ST6GALNAC3: variants seen among roughly 807,000 people sequenced by gnomAD.
ST6GALNAC3 encodes the protein ST6 N-acetylgalactosaminide alpha-2,6-sialyltransferase 3, also known as alpha-N-acetylgalactosaminide alpha-2,6-sialyltransferase 3.
Under a neutral mutation model 32.7 loss-of-function variants are expected in ST6GALNAC3, and 25 were observed. That is an observed-to-expected ratio of 0.76 (90% confidence interval 0.56 to 1.07). ST6GALNAC3 has a LOEUF of 1.07. Among genes scored for constraint, ST6GALNAC3 ranks in the 50% least tolerant of loss-of-function variants. ST6GALNAC3 has a pLI of 0.00. For synonymous variants in ST6GALNAC3, 129 were observed against 133.1 expected, an observed-to-expected ratio of 0.97 and a Z score of 0.21; for missense variants, 355 against 382.4, an observed-to-expected ratio of 0.93 and a Z score of 0.60.
intron 1 of ST6GALNAC3, among the ~76,000 whole-genome samples, chr1:76,123,679 A>G (rs1649041591): frequency 6.6e-6 from 1 of 152,004 alleles, no homozygotes; most frequent in Non-Finnish European, 1.5e-5. Flanking sequence ...AATACTGAAT[A>G]ATAGTGTAAC....
intron 1 of ST6GALNAC3, among the ~76,000 whole-genome samples, chr1:76,195,213 T>C (rs1406816447): frequency 6.6e-6 from 1 of 152,224 alleles, no homozygotes. Flanking sequence ...ATTTCATTCA[T>C]TTAGAAGAAA....
intron 1 of ST6GALNAC3, among the ~76,000 whole-genome samples, chr1:76,252,453 T>G (rs568604198): frequency 6.6e-6 from 1 of 152,314 alleles, no homozygotes; most frequent in Non-Finnish European, 1.5e-5. Flanking sequence ...ATTTCATGTT[T>G]ACGTTTAAAA....
At chr1:76,505,456 A>G (rs1485254350) in intron 3 of ST6GALNAC3, among the ~76,000 whole-genome samples, 1 of 152,198 alleles carries the variant, frequency 6.6e-6, no homozygotes, top group Non-Finnish European at 1.5e-5. Context: ...GTATATGTCA[A>G]ATAGCATTTA....
At chr1:76,149,671 T>C (rs973808226) in intron 1 of ST6GALNAC3, among the ~76,000 whole-genome samples, 2 of 152,094 alleles carry the variant, frequency 1.3e-5, no homozygotes, top group African/African-American at 4.8e-5. Flanking sequence ...TAATATTCCA[T>C]TGTTCCATTG....
At chr1:76,605,554 C>A (rs1284396707) in intron 3 of ST6GALNAC3, among the ~76,000 whole-genome samples, 2 of 151,500 alleles carry the variant, frequency 1.3e-5, no homozygotes, top group Non-Finnish European at 2.9e-5. Context: ...GAAAAAAAAA[C>A]AAACAACCCC....
At chr1:76,445,577 C>T (rs867306761) in intron 3 of ST6GALNAC3, among the ~76,000 whole-genome samples, 1 of 152,104 alleles carries the variant, frequency 6.6e-6, no homozygotes, top group African/African-American at 2.4e-5. Context: ...ACAATATGTA[C>T]TATTGTGACA....
At chr1:76,433,501 G>A (rs1655917586) in intron 3 of ST6GALNAC3, among the ~76,000 whole-genome samples, 1 of 152,064 alleles carries the variant, frequency 6.6e-6, no homozygotes, top group Non-Finnish European at 1.5e-5. Flanking sequence ...CACATAATAA[G>A]AAAGAAAAAG....
chr1:76,194,492 T>C (rs1279981683), intron 1 of ST6GALNAC3, among the ~76,000 whole-genome samples: 1 of 152,084 alleles, frequency 6.6e-6, no homozygotes, highest in East Asian at 1.9e-4. Flanking sequence ...TTCAAAGTAA[T>C]AATAAACCCA....
At chr1:76,208,061 G>A (rs148204311) in intron 1 of ST6GALNAC3, among the ~76,000 whole-genome samples, 2 of 140,490 alleles carry the variant, frequency 1.4e-5, no homozygotes, top group African/African-American at 5.4e-5. Context: ...CCAAAAAATA[G>A]TTCACCCAGA....
chr1:76,254,966 G>A (rs1657834895), intron 1 of ST6GALNAC3, among the ~76,000 whole-genome samples: 1 of 151,768 alleles, frequency 6.6e-6, no homozygotes, highest in Admixed American at 6.6e-5. Context: ...CTAAAGCACA[G>A]GAGGCTTCCT....
intron 2 of ST6GALNAC3, among the ~76,000 whole-genome samples, chr1:76,368,496 T>C (rs1454411990): frequency 6.6e-6 from 1 of 152,154 alleles, no homozygotes; most frequent in Non-Finnish European, 1.5e-5. Flanking sequence ...TGCCACTTCC[T>C]CTCCAGAGTA....
intron 1 of ST6GALNAC3, among the ~76,000 whole-genome samples, chr1:76,312,054 T>A (rs1249696994): frequency 6.6e-6 from 1 of 152,230 alleles, no homozygotes; most frequent in Non-Finnish European, 1.5e-5. Context: ...TTTTTTCATA[T>A]GTTTGTTGGC....
chr1:76,225,017 G>A (rs1359329697), intron 1 of ST6GALNAC3, among the ~76,000 whole-genome samples: 7 of 152,084 alleles, frequency 4.6e-5, no homozygotes, highest in African/African-American at 1.7e-4. Flanking sequence ...CTGATTTGTG[G>A]ATTGGGAACA....
At chr1:76,219,315 C>T (rs1655640611) in intron 1 of ST6GALNAC3, among the ~76,000 whole-genome samples, 1 of 152,208 alleles carries the variant, frequency 6.6e-6, no homozygotes, top group Non-Finnish European at 1.5e-5. Context: ...CCCAGCCCCT[C>T]ACTTAAGTTT....
intron 2 of ST6GALNAC3, among the ~76,000 whole-genome samples, chr1:76,410,799 C>T (rs1654180687): frequency 6.6e-6 from 1 of 152,086 alleles, no homozygotes; most frequent in South Asian, 2.1e-4. Context: ...GCTTTCACTT[C>T]CTAACTTAAC....
chr1:76,205,262 GC>G (rs60585630), intron 1 of ST6GALNAC3, among the ~76,000 whole-genome samples: 11,526 of 152,162 alleles, frequency 0.076, 441 homozygotes, highest in Middle Eastern at 0.11. Context: ...GCTTCCAAAT[GC>G]CCTGCTATGT....
intron 1 of ST6GALNAC3, among the ~76,000 whole-genome samples, chr1:76,215,829 G>A (rs1184000615): frequency 1.3e-5 from 2 of 152,200 alleles, no homozygotes; most frequent in African/African-American, 4.8e-5. Context: ...CCAGAGGATA[G>A]AAAGCAGTCC....
chr1:76,465,709 T>A (rs1571319914), intron 3 of ST6GALNAC3, among the ~76,000 whole-genome samples: 1 of 149,466 alleles, frequency 6.7e-6, no homozygotes, highest in Non-Finnish European at 1.5e-5. Context: ...GTATTTTTCA[T>A]TTTTTTTTTA....
chr1:76,609,710 G>C (rs1030011250), intron 3 of ST6GALNAC3, among the ~76,000 whole-genome samples: 7 of 152,264 alleles, frequency 4.6e-5, no homozygotes, highest in Middle Eastern at 3.4e-3. Context: ...GCATATTAAA[G>C]ATACTGAGAA....
Sources: allele counts gnomAD v4.1 joint callset (sites outside exome capture counted in the v4.1 genomes callset), GRCh38; gene constraint gnomAD v4.1.1; transcripts MANE v1.5; gene names NCBI Gene and HGNC (gene_info 2026-07-23, HGNC 2026-07-21).